The following TENM2 variants were observed in gnomAD, a reference collection of about 807,000 sequenced individuals.
TENM2 encodes the protein teneurin-2.
Under a neutral mutation model 245.2 loss-of-function variants are expected in TENM2, and 52 were observed. The observed-to-expected ratio is 0.21, with a 90% confidence interval of 0.17 to 0.27. TENM2 has a LOEUF of 0.27. TENM2 is among the 10% of genes least tolerant of loss of function. The probability of loss-of-function intolerance (pLI) is 1.00; values close to 1 mark genes in which losing one functional copy is unlikely to be tolerated. For synonymous variants in TENM2, 1,363 were observed against 1,438.9 expected, an observed-to-expected ratio of 0.95 and a Z score of 1.19; for missense variants, 3,046 against 3,666.8, an observed-to-expected ratio of 0.83 and a Z score of 4.37.
intron 27 of TENM2, among the ~76,000 whole-genome samples, chr5:168,252,674 T>C (rs1767223575): frequency 6.6e-6 from 1 of 150,904 alleles, no homozygotes; most frequent in Non-Finnish European, 1.5e-5. Flanking sequence ...TGAAACCCCG[T>C]CTCTACTAAA....
chr5:167,437,553 T>G (rs1764635067), intron 2 of TENM2, among the ~76,000 whole-genome samples: 1 of 152,112 alleles, frequency 6.6e-6, no homozygotes, highest in Non-Finnish European at 1.5e-5. Context: ...TGATTGGTTT[T>G]GGAATGTGAG....
intron 2 of TENM2, among the ~76,000 whole-genome samples, chr5:167,538,776 A>C (rs74505929): frequency 0.024 from 3,685 of 152,280 alleles, 147 homozygotes; most frequent in East Asian, 0.19. Flanking sequence ...AGGTAGAATA[A>C]GCTGTCTGTC....
At chr5:167,888,355 A>G (rs962389987) in intron 3 of TENM2, among the ~76,000 whole-genome samples, 7 of 152,194 alleles carry the variant, frequency 4.6e-5, no homozygotes, top group African/African-American at 1.7e-4. Context: ...GCATTTAGCT[A>G]CCACTGAGCC....
intron 3 of TENM2, among the ~76,000 whole-genome samples, chr5:167,946,229 T>A (rs1229010185): frequency 6.6e-6 from 1 of 152,124 alleles, no homozygotes; most frequent in Non-Finnish European, 1.5e-5. Flanking sequence ...ATTCCTTCCA[T>A]CCCTGGGCTC....
At chr5:167,562,758 A>G (rs568386498) in intron 2 of TENM2, among the ~76,000 whole-genome samples, 2 of 152,156 alleles carry the variant, frequency 1.3e-5, no homozygotes, top group Admixed American at 1.3e-4. Flanking sequence ...GGAGTTCAAG[A>G]CCAGCCTGGC....
chr5:167,954,156 C>G (rs1404743048), intron 4 of TENM2, among the ~76,000 whole-genome samples: 2 of 151,900 alleles, frequency 1.3e-5, no homozygotes, highest in Non-Finnish European at 2.9e-5. Context: ...CAAAAAATAC[C>G]TAACGTGTGT....
chr5:167,539,224 A>C (rs1208160821), intron 2 of TENM2, among the ~76,000 whole-genome samples: 2 of 152,204 alleles, frequency 1.3e-5, no homozygotes, highest in Non-Finnish European at 2.9e-5. Flanking sequence ...CATTTGAGAA[A>C]TATTTCAAAT....
chr5:167,590,030 T>A (rs1775773609), intron 2 of TENM2, among the ~76,000 whole-genome samples: 1 of 151,886 alleles, frequency 6.6e-6, no homozygotes, highest in Non-Finnish European at 1.5e-5. Context: ...TTACTTTGTT[T>A]GATTTATATT....
chr5:167,917,617 C>G (rs1250079846), intron 3 of TENM2, among the ~76,000 whole-genome samples: 1 of 152,040 alleles, frequency 6.6e-6, no homozygotes, highest in Non-Finnish European at 1.5e-5. Context: ...GGTCCTTGCC[C>G]AGGAAATGGG....
At chr5:167,081,642 A>C in the TENM2 span, among the ~76,000 whole-genome samples, 1 of 152,354 alleles carries the variant, frequency 6.6e-6, no homozygotes, top group East Asian at 1.9e-4. Context: ...ACACTGCAGA[A>C]TAATAAGGCC....
At chr5:167,043,547 G>T in the TENM2 span, among the ~76,000 whole-genome samples, 1 of 152,106 alleles carries the variant, frequency 6.6e-6, no homozygotes. Context: ...CATCATGCTC[G>T]GGATACCTAA....
intron 2 of TENM2, among the ~76,000 whole-genome samples, chr5:167,746,710 A>AGAGAGAGAGCGAGC (rs761614775): frequency 4.5e-4 from 65 of 144,934 alleles, no homozygotes; most frequent in Middle Eastern, 3.6e-3. Flanking sequence ...AGAGAGAGAG[A>AGAGAGAGAGCGAGC]GAGAGCTGGA....
At chr5:167,409,368 C>T (rs1163161938) in intron 2 of TENM2, among the ~76,000 whole-genome samples, 2 of 151,780 alleles carry the variant, frequency 1.3e-5, no homozygotes, top group Non-Finnish European at 2.9e-5. Context: ...TAAACTTTAA[C>T]AAAAAAGTTG....
At chr5:167,101,849 T>TTATATA in the TENM2 span, among the ~76,000 whole-genome samples, 580 of 69,416 alleles carry the variant, frequency 8.4e-3, 20 homozygotes, top group South Asian at 0.02. Flanking sequence ...ATATATATAT[T>TTATATA]TATATATATA....
intron 1 of TENM2, among the ~76,000 whole-genome samples, chr5:167,335,349 T>G (rs866219594): frequency 9.9e-5 from 15 of 152,144 alleles, no homozygotes; most frequent in Non-Finnish European, 1.5e-4. Flanking sequence ...CCCCATGATT[T>G]ATTTAATCAC....
rs1046256386 is a variant in TENM2 at position 167,862,265 on chromosome 5, G to A, written c.503-13721G>A. On this transcript the variant is annotated intron_variant, in intron 2 of 28. Coordinates refer to ENST00000518659, the Ensembl canonical transcript of TENM2. ...TATGTGTGTGTGTGTGTGTGTGTGT[G>A]TGTGCATATGTACATGCATTTGTGC... Among the ~76,000 whole-genome samples the A allele has an allele frequency of 7.4e-4, 112 of 151,930 alleles. 1 individual carries two copies. Among genetic ancestry groups the A allele is most frequent in the Non-Finnish European group, 1.2e-3 (80 of 68,004 alleles).
At chr5:167,195,022 C>T in the TENM2 span, among the ~76,000 whole-genome samples, 4 of 152,086 alleles carry the variant, frequency 2.6e-5, no homozygotes, top group East Asian at 7.8e-4. Flanking sequence ...ACTAGCTAGT[C>T]CGTGTGGGTT....
At chr5:167,854,618 G>A (rs866051632) in intron 2 of TENM2, among the ~76,000 whole-genome samples, 1 of 152,112 alleles carries the variant, frequency 6.6e-6, no homozygotes, top group Non-Finnish European at 1.5e-5. Flanking sequence ...TCTGAGAAGA[G>A]TTTTCTAAGC....
At chr5:167,419,294 T>C (rs1763350549) in intron 2 of TENM2, among the ~76,000 whole-genome samples, 1 of 151,966 alleles carries the variant, frequency 6.6e-6, no homozygotes, top group Admixed American at 6.6e-5. Context: ...AAACCCCACC[T>C]CTACTAAAAA....
Sources: allele counts gnomAD v4.1 joint callset (sites outside exome capture counted in the v4.1 genomes callset), GRCh38; gene constraint gnomAD v4.1.1; transcripts MANE v1.5; gene names NCBI Gene and HGNC (gene_info 2026-07-23, HGNC 2026-07-21).